CFAP299: variants seen among roughly 807,000 people sequenced by gnomAD.
CFAP299 encodes the protein cilia and flagella associated protein 299.
A neutral mutation model predicts 27.0 loss-of-function variants in CFAP299; 21 were observed. The ratio of observed to expected loss-of-function variants is 0.78; its 90% CI spans 0.55 to 1.12. The LOEUF (loss-of-function observed/expected upper bound fraction) is 1.12, where lower values mean the gene tolerates loss of function less well. CFAP299 is among the 50% of genes most tolerant of loss of function. CFAP299 has a pLI of 0.00. For missense variants in CFAP299, 310 were observed against 276.6 expected (o/e 1.12, Z -0.86); for synonymous variants, 104 against 98.1 (o/e 1.06, Z -0.36).
At chr4:80,884,098 A>G (rs759273328) in intron 4 of CFAP299, among the ~76,000 whole-genome samples, 5 of 152,190 alleles carry the variant, frequency 3.3e-5, no homozygotes, top group Non-Finnish European at 5.9e-5. Flanking sequence ...GCTCCCACAT[A>G]TAAGTAAGAA....
At chr4:80,717,853 G>A (rs550449503) in intron 3 of CFAP299, among the ~76,000 whole-genome samples, 35 of 152,154 alleles carry the variant, frequency 2.3e-4, no homozygotes, top group African/African-American at 8.2e-4. Flanking sequence ...ATGTACAGAT[G>A]TTTGCTAGTT....
In CFAP299 at chr4:80,673,233, T is replaced by G. The variant is rs371927949; in HGVS notation, c.333+90050T>G. 1.2e-3 allele frequency among the ~76,000 whole-genome samples: 177 copies of G among 152,224 alleles called. 1 individual carries two copies. The highest frequency in any genetic ancestry group is 2.2e-3 in the Non-Finnish European group (149 of 68,000). The stretch of plus-strand genomic sequence containing the variant: ...TGTCTTTGTTCTCATTGGTTTCAAA[T>G]AACGTCTTTATTTCTGCCTTCATTT... On this transcript the variant is annotated intron_variant, in intron 3 of 5. Coordinates refer to ENST00000358105, the MANE Select transcript of CFAP299 (RefSeq NM_152770.3).
At chr4:80,559,930 A>G (rs1206367833) in intron 2 of CFAP299, among the ~76,000 whole-genome samples, 1 of 152,114 alleles carries the variant, frequency 6.6e-6, no homozygotes, top group Non-Finnish European at 1.5e-5. Context: ...GGCAAATCCT[A>G]GTGTTGAACT....
chr4:80,595,199 T>G (rs140173931), intron 3 of CFAP299, among the ~76,000 whole-genome samples: 1 of 152,098 alleles, frequency 6.6e-6, no homozygotes. Flanking sequence ...AATTCCTGAG[T>G]CCTGAATTTC....
chr4:80,590,772 T>C (rs986916615), intron 3 of CFAP299, among the ~76,000 whole-genome samples: 6 of 152,174 alleles, frequency 3.9e-5, no homozygotes, highest in African/African-American at 1.4e-4. Context: ...ATAAAAACTG[T>C]ATAGTACACA....
chr4:80,930,500 T>C (rs1736563538), intron 4 of CFAP299, among the ~76,000 whole-genome samples: 1 of 152,170 alleles, frequency 6.6e-6, no homozygotes, highest in South Asian at 2.1e-4. Flanking sequence ...TCTTGAGGAC[T>C]GAACTTCAAC....
intron 2 of CFAP299, among the ~76,000 whole-genome samples, chr4:80,536,973 A>G (rs566838925): frequency 7.2e-5 from 11 of 152,222 alleles, no homozygotes; most frequent in African/African-American, 2.2e-4. Flanking sequence ...AAGGATTAAT[A>G]TATAAGGAAC....
At chr4:80,817,520 AT>A (rs1729482670) in intron 3 of CFAP299, among the ~76,000 whole-genome samples, 1 of 152,026 alleles carries the variant, frequency 6.6e-6, no homozygotes, top group Admixed American at 6.6e-5. Flanking sequence ...TCATCATGCA[AT>A]CTTTCTTCAC....
chr4:80,712,727 T>C (rs1722247681), intron 3 of CFAP299, among the ~76,000 whole-genome samples: 1 of 152,168 alleles, frequency 6.6e-6, no homozygotes, highest in Non-Finnish European at 1.5e-5. Flanking sequence ...CGATAATAGC[T>C]GGATTAATTC....
intron 3 of CFAP299, among the ~76,000 whole-genome samples, chr4:80,658,314 T>C (rs1372401961): frequency 1.3e-5 from 2 of 152,186 alleles, no homozygotes; most frequent in Non-Finnish European, 2.9e-5. Context: ...TGTGCTGTTT[T>C]TCAAAGGGAA....
intron 2 of CFAP299, among the ~76,000 whole-genome samples, chr4:80,451,424 C>G (rs149665560): frequency 1.2e-4 from 18 of 152,294 alleles, no homozygotes; most frequent in African/African-American, 4.1e-4. Flanking sequence ...TTTGAGAGGA[C>G]AGAATTCAGC....
At chr4:80,588,207 G>A (rs1215132952) in intron 3 of CFAP299, among the ~76,000 whole-genome samples, 1 of 151,014 alleles carries the variant, frequency 6.6e-6, no homozygotes, top group Non-Finnish European at 1.5e-5. Flanking sequence ...GGGAGATGGA[G>A]AAGTGGCTCC....
In CFAP299 at chr4:80,659,720, A is replaced by T. The variant is rs116254111; in HGVS notation, c.333+76537A>T. 1.6e-3 allele frequency among the ~76,000 whole-genome samples: 244 copies of T among 152,210 alleles called. 1 individual carries two copies. Among genetic ancestry groups the T allele is most frequent in the African/African-American group, 5.7e-3 (237 of 41,568 alleles). ...AAATAATATAACTACTCTGAAAAATAAATTGGCATAATCTATACACTCTTT... is the reference window on the plus strand; with the variant it reads ...AAATAATATAACTACTCTGAAAAATTAATTGGCATAATCTATACACTCTTT... On this transcript the variant is annotated intron_variant, in intron 3 of 5. Transcript: ENST00000358105.
rs897415572 is a variant in CFAP299, at chr4:80,886,267, G to A, written c.476+16132G>A. ...GACAGCATTTCTGAATGTGCCCAGG[G>A]CCTGGGGAAACTCTTTACTTTCAAG... is the stretch of plus-strand genomic sequence containing the variant. On this transcript the variant is annotated intron_variant, in intron 4 of 5. Coordinates refer to ENST00000358105, the MANE Select transcript of CFAP299 (RefSeq NM_152770.3). 3.3e-5 allele frequency among the ~76,000 whole-genome samples: 5 copies of A among 152,148 alleles called. No homozygotes were observed. In the East Asian group the frequency reaches 7.7e-4, roughly 23 times the overall value.
intron 4 of CFAP299, among the ~76,000 whole-genome samples, chr4:80,936,388 C>A (rs183955883): frequency 6.6e-6 from 1 of 151,968 alleles, no homozygotes; most frequent in Non-Finnish European, 1.5e-5. Flanking sequence ...ATTACCTAAA[C>A]GCCCATCAAT....
At chr4:80,334,650 A>G (rs1722053246), upstream of CFAP299, among the ~76,000 whole-genome samples, 1 of 152,214 alleles carries the variant, frequency 6.6e-6, no homozygotes, top group African/African-American at 2.4e-5. Context: ...GCATTCAAAA[A>G]TAAGGCCCAA....
At chr4:80,623,001 T>C (rs955200683) in intron 3 of CFAP299, among the ~76,000 whole-genome samples, 1 of 152,146 alleles carries the variant, frequency 6.6e-6, no homozygotes, top group African/African-American at 2.4e-5. Flanking sequence ...GATCAACATG[T>C]CACTTTTTTT....
intron 2 of CFAP299, among the ~76,000 whole-genome samples, chr4:80,482,831 A>G (rs1416465209): frequency 1.3e-5 from 2 of 152,196 alleles, no homozygotes; most frequent in African/African-American, 4.8e-5. Context: ...GTCTCAGTGA[A>G]TTATAATGTT....
chr4:80,653,311 A>G (rs1044393071), intron 3 of CFAP299, among the ~76,000 whole-genome samples: 3 of 152,024 alleles, frequency 2.0e-5, no homozygotes, highest in Non-Finnish European at 4.4e-5. Flanking sequence ...ATTTTTAGTG[A>G]TGTTTCCTTT....
Sources: allele counts gnomAD v4.1 joint callset (sites outside exome capture counted in the v4.1 genomes callset), GRCh38; gene constraint gnomAD v4.1.1; transcripts MANE v1.5; gene names NCBI Gene and HGNC (gene_info 2026-07-23, HGNC 2026-07-21).